The following FARP1 variants were observed in gnomAD, a reference collection of about 807,000 sequenced individuals.
FARP1 encodes the protein FERM, ARHGEF and pleckstrin domain-containing protein 1.
A neutral mutation model predicts 128.8 loss-of-function variants in FARP1; 52 were observed. That is an observed-to-expected ratio of 0.40 (90% CI 0.32 to 0.51). The LOEUF (loss-of-function observed/expected upper bound fraction) is 0.51. Among genes scored for constraint, FARP1 ranks in the 20% least tolerant of loss-of-function variants. The pLI is 0.45. For synonymous variants in FARP1, 580 were observed against 551.8 expected, an observed-to-expected ratio of 1.05 and a Z score of -0.72; for missense variants, 1,333 against 1,367.9, an observed-to-expected ratio of 0.97 and a Z score of 0.40.
chr13:98,295,836 G>A (rs1391728996), intron 2 of FARP1, among the ~76,000 whole-genome samples: 1 of 152,180 alleles, frequency 6.6e-6, no homozygotes, highest in Non-Finnish European at 1.5e-5. Context: ...GGGTATGTAT[G>A]CATGTGGTAT....
intron 2 of FARP1, among the ~76,000 whole-genome samples, chr13:98,264,668 G>T (rs927958111): frequency 6.6e-6 from 1 of 152,114 alleles, no homozygotes; most frequent in Non-Finnish European, 1.5e-5. Flanking sequence ...AAATACCAAG[G>T]TTGCCAAGAA....
intron 1 of FARP1, among the ~76,000 whole-genome samples, chr13:98,159,920 A>G (rs1268268626): frequency 1.3e-5 from 2 of 152,130 alleles, no homozygotes; most frequent in Non-Finnish European, 2.9e-5. Context: ...GAGGATGAAA[A>G]TCTGGTCAAT....
intron 19 of FARP1, 47 bp from the exon 20 acceptor site, chr13:98,438,756 TG>T: frequency 3.3e-6 from 5 of 1,518,510 alleles, no homozygotes; most frequent in Non-Finnish European, 4.6e-6. Flanking sequence ...CGTCAGCCCT[TG>T]GGGTCCGCAC....
chr13:98,186,968 GGAGATGGAGC>G, intron 1 of FARP1, among the ~76,000 whole-genome samples: 1 of 129,546 alleles, frequency 7.7e-6, no homozygotes, highest in South Asian at 2.6e-4. Context: ...CTCTAGCCTG[GGAGATGGAGC>G]GAGATTCTGT....
intron 2 of FARP1, among the ~76,000 whole-genome samples, chr13:98,271,894 G>A: frequency 6.6e-6 from 1 of 152,084 alleles, no homozygotes; most frequent in East Asian, 1.9e-4. Context: ...TGCAATAAAT[G>A]TACGTGTGCA....
At chr13:98,229,970 G>A (rs1338485656) in intron 2 of FARP1, among the ~76,000 whole-genome samples, 2 of 152,140 alleles carry the variant, frequency 1.3e-5, no homozygotes, top group Non-Finnish European at 2.9e-5. Context: ...TACTCAGAAA[G>A]CAAGTGTTGT....
chr13:98,195,172 T>G (rs142520466), intron 1 of FARP1, among the ~76,000 whole-genome samples: 1 of 152,212 alleles, frequency 6.6e-6, no homozygotes, highest in African/African-American at 2.4e-5. Flanking sequence ...ATAGAGACAC[T>G]GTGCTTGGAT....
chr13:98,146,455 T>C lies in FARP1; in HGVS notation c.-24+2963T>C, dbSNP rs1250491899. 2.5e-4 allele frequency among the ~76,000 whole-genome samples: 38 copies of C among 152,356 alleles called. 1 individual carries two copies. The East Asian group carries it at 7.1e-3, about 29-fold the overall frequency. ...GTTGGTCAGGCTGGTCTTGAACTCC[T>C]GACCTCAGGTGATTTGCCCGCTTCG... On this transcript the variant is annotated intron_variant, in intron 1 of 26. Transcript: ENST00000319562.
At chr13:98,370,334 T>C (rs761879335) in intron 5 of FARP1, among the ~76,000 whole-genome samples, 4 of 150,656 alleles carry the variant, frequency 2.7e-5, no homozygotes, top group Non-Finnish European at 4.4e-5. Flanking sequence ...TTGACACACA[T>C]AGTGTTGAAA....
intron 1 of FARP1, among the ~76,000 whole-genome samples, chr13:98,188,527 C>T (rs551327979): frequency 9.1e-4 from 138 of 152,266 alleles, no homozygotes; most frequent in Non-Finnish European, 1.4e-3. Flanking sequence ...TGCCATTACA[C>T]TCCAGCCTGG....
chr13:98,444,148 G>A lies in FARP1; in HGVS notation c.2797-1950G>A, dbSNP rs538601147. Among the ~76,000 whole-genome samples, 21 of 152,212 alleles carry A rather than the reference G, an allele frequency of 1.4e-4. No individual in the cohort carries two copies. The East Asian group carries it at 1.9e-3, about 14-fold the overall frequency. ...GACTCCACCCATGTTGCAGGGCTCC[G>A]GTCTGCCGTGTCACCAGCTGTCCTC... On this transcript the variant is annotated intron_variant, in intron 24 of 26. Transcript: ENST00000319562.
chr13:98,176,167 C>T lies in FARP1; in HGVS notation c.-24+32675C>T. On this transcript the variant is annotated intron_variant, in intron 1 of 26. Transcript: ENST00000319562. The surrounding 1 kb of genome is among the most constrained non-coding windows in gnomAD (Gnocchi z 6.2). Reference sequence around the variant, plus strand: ...ACATACAGACTTGAGTCTTTCTTATCTCTTTTTTCCTAAAAGAACAAAAAA... The same window carrying T: ...ACATACAGACTTGAGTCTTTCTTATTTCTTTTTTCCTAAAAGAACAAAAAA... The T allele has an allele frequency of 6.2e-7, 1 of 1,609,690 alleles. No individual in the cohort carries two copies. The highest frequency in any genetic ancestry group is 1.1e-5 in the South Asian group (1 of 90,712).
intron 2 of FARP1, among the ~76,000 whole-genome samples, chr13:98,301,368 G>A (rs1240777944): frequency 1.3e-5 from 2 of 152,170 alleles, no homozygotes; most frequent in Non-Finnish European, 2.9e-5. Flanking sequence ...AGACAGGTCT[G>A]CTTGGCAGAA....
At chr13:98,219,070 T>C (rs1029262898) in intron 2 of FARP1, among the ~76,000 whole-genome samples, 26 of 152,342 alleles carry the variant, frequency 1.7e-4, no homozygotes, top group African/African-American at 6.0e-4. Flanking sequence ...CTTTCATTCC[T>C]TTAATTTTCA....
At chr13:98,411,767 C>G in intron 15 of FARP1, 134 bp from the exon 16 acceptor site, 1 of 938,822 alleles carries the variant, frequency 1.1e-6, no homozygotes. Context: ...CCCCGTGTTC[C>G]TGAAATGCCA....
chr13:98,352,883 A>G (rs780641977), intron 3 of FARP1, among the ~76,000 whole-genome samples: 1 of 152,200 alleles, frequency 6.6e-6, no homozygotes, highest in Non-Finnish European at 1.5e-5. Context: ...AGGAAGCTAT[A>G]GATTAAACAA....
At chr13:98,212,124 T>A (rs1880758493) in intron 1 of FARP1, among the ~76,000 whole-genome samples, 1 of 152,234 alleles carries the variant, frequency 6.6e-6, no homozygotes, top group Non-Finnish European at 1.5e-5. Flanking sequence ...GGTGCAATGT[T>A]GGCTCACTGC....
At chr13:98,168,579 C>T (rs1371969189) in intron 1 of FARP1, among the ~76,000 whole-genome samples, 1 of 152,228 alleles carries the variant, frequency 6.6e-6, no homozygotes, top group Non-Finnish European at 1.5e-5. Flanking sequence ...CCCCTTGCCT[C>T]TATCACCTGA....
In FARP1 at chr13:98,448,804, A is replaced by ATTTTT. The variant is rs371664583; in HGVS notation, c.*493_*497dup. 2.5e-5 allele frequency: 2 copies of ATTTTT among 80,040 alleles called. No homozygotes were observed. Among genetic ancestry groups the ATTTTT allele is most frequent in the Non-Finnish European group, 3.7e-5 (1 of 27,252 alleles). The allele number at this position is 80,040 out of a possible 1,614,324, so 5.0% of individuals were successfully genotyped here. On this transcript the variant is annotated 3_prime_UTR_variant, in exon 27 of 27. Transcript: ENST00000319562. ...GCAAATGAGATCATTTTCAGATTTCATTTTTTTTTTCAGTCTTTCTACTTT... is the reference window on the plus strand; with the variant it reads ...GCAAATGAGATCATTTTCAGATTTCATTTTTTTTTTTTTTTCAGTCTTTCTACTTT...
Sources: allele counts gnomAD v4.1 joint callset (sites outside exome capture counted in the v4.1 genomes callset), GRCh38; gene constraint gnomAD v4.1.1; non-coding constraint Gnocchi (gnomAD v3.1); transcripts MANE v1.5; gene names NCBI Gene and HGNC (gene_info 2026-07-23, HGNC 2026-07-21).